ST6GALNAC3: variants seen among roughly 807,000 people sequenced by gnomAD.
The protein encoded by ST6GALNAC3 is alpha-N-acetylgalactosaminide alpha-2,6-sialyltransferase 3.
A neutral mutation model predicts 32.7 loss-of-function variants in ST6GALNAC3; 25 were observed. The observed-to-expected ratio is 0.76, with a 90% CI of 0.56 to 1.07. The LOEUF (loss-of-function observed/expected upper bound fraction) is 1.07, where lower values mean the gene tolerates loss of function less well. Among genes scored for constraint, ST6GALNAC3 ranks in the 50% least tolerant of loss-of-function variants. The pLI is 0.00. For synonymous variants in ST6GALNAC3, 129 were observed against 133.1 expected, an observed-to-expected ratio of 0.97 and a Z score of 0.21; for missense variants, 355 against 382.4, an observed-to-expected ratio of 0.93 and a Z score of 0.60.
intron 2 of ST6GALNAC3, among the ~76,000 whole-genome samples, chr1:76,364,446 G>C (rs58918633): frequency 6.6e-6 from 1 of 151,964 alleles, no homozygotes; most frequent in African/African-American, 2.4e-5. Flanking sequence ...CCAGCTACTC[G>C]AGAGGCTGAG....
chr1:76,255,267 C>T lies in ST6GALNAC3; in HGVS notation c.19-58538C>T, dbSNP rs60694543. Among the ~76,000 whole-genome samples the T allele has an allele frequency of 8.0e-3, 1,216 of 152,066 alleles. 27 individuals are homozygous for T. Among genetic ancestry groups the T allele is most frequent in the African/African-American group, 0.028 (1,141 of 41,476 alleles). ...CCCCTTATACTAACTGAGTTGTTTGCGCTTGGGAGGAATACAAAGTATTTT... is the reference window on the plus strand; with the variant it reads ...CCCCTTATACTAACTGAGTTGTTTGTGCTTGGGAGGAATACAAAGTATTTT... On this transcript the variant is annotated intron_variant, in intron 1 of 4. Coordinates refer to ENST00000328299, the MANE Select transcript of ST6GALNAC3 (RefSeq NM_152996.4).
intron 1 of ST6GALNAC3, among the ~76,000 whole-genome samples, chr1:76,112,540 A>T (rs1205191673): frequency 3.3e-5 from 5 of 149,986 alleles, no homozygotes; most frequent in Non-Finnish European, 7.4e-5. Flanking sequence ...TCCCTCCCGG[A>T]CGGGGTGGCT....
At chr1:76,382,832 C>T (rs1651816233) in intron 2 of ST6GALNAC3, among the ~76,000 whole-genome samples, 1 of 152,106 alleles carries the variant, frequency 6.6e-6, no homozygotes, top group African/African-American at 2.4e-5. Context: ...AAGAATAAGG[C>T]AGAAGTAACA....
intron 1 of ST6GALNAC3, among the ~76,000 whole-genome samples, chr1:76,285,800 A>G (rs1659742339): frequency 6.6e-6 from 1 of 152,066 alleles, no homozygotes; most frequent in Non-Finnish European, 1.5e-5. Flanking sequence ...CGAGAAACAG[A>G]TACAGGAAGA....
intron 1 of ST6GALNAC3, among the ~76,000 whole-genome samples, chr1:76,125,624 C>G (rs1649191723): frequency 1.3e-5 from 2 of 152,212 alleles, no homozygotes; most frequent in African/African-American, 4.8e-5. Flanking sequence ...AGAATACACT[C>G]TGAAGATCAG....
At chr1:76,598,207 A>T (rs1281828400) in intron 3 of ST6GALNAC3, among the ~76,000 whole-genome samples, 1 of 151,600 alleles carries the variant, frequency 6.6e-6, no homozygotes, top group African/African-American at 2.4e-5. Context: ...CAGCCTAATG[A>T]CCTCCCAAAG....
chr1:76,086,922 A>G (rs750657470), intron 1 of ST6GALNAC3, among the ~76,000 whole-genome samples: 5 of 151,940 alleles, frequency 3.3e-5, no homozygotes, highest in African/African-American at 9.7e-5. Flanking sequence ...CTCTCTTCCT[A>G]TTTCTAAGAG....
chr1:76,172,380 C>T (rs963646168), intron 1 of ST6GALNAC3, among the ~76,000 whole-genome samples: 4 of 152,140 alleles, frequency 2.6e-5, no homozygotes, highest in Admixed American at 2.6e-4. Context: ...CAGACAATAT[C>T]ATATTGAATG....
intron 3 of ST6GALNAC3, among the ~76,000 whole-genome samples, chr1:76,467,632 G>A (rs1436401119): frequency 2.0e-5 from 3 of 151,856 alleles, no homozygotes; most frequent in African/African-American, 2.4e-5. Flanking sequence ...ATATTAAAAA[G>A]TTGTAAACTT....
At chr1:76,600,232 T>C (rs1238850365) in intron 3 of ST6GALNAC3, among the ~76,000 whole-genome samples, 2 of 152,060 alleles carry the variant, frequency 1.3e-5, no homozygotes, top group African/African-American at 4.8e-5. Context: ...AGAAGAGGGC[T>C]CTCACCAGGA....
intron 1 of ST6GALNAC3, among the ~76,000 whole-genome samples, chr1:76,272,730 C>T (rs2210830): frequency 0.16 from 23,626 of 152,130 alleles, 3,379 homozygotes; most frequent in African/African-American, 0.37. Context: ...GCTGTCCCAG[C>T]CACCCCCAAA....
chr1:76,394,599 CT>C (rs1467195043), intron 2 of ST6GALNAC3, among the ~76,000 whole-genome samples: 2 of 152,054 alleles, frequency 1.3e-5, no homozygotes, highest in Non-Finnish European at 2.9e-5. Flanking sequence ...GTTATCTATA[CT>C]TTTTCAAGCC....
intron 1 of ST6GALNAC3, among the ~76,000 whole-genome samples, chr1:76,078,658 G>T (rs1011090689): frequency 2.0e-5 from 3 of 152,150 alleles, no homozygotes; most frequent in Admixed American, 2.0e-4. Flanking sequence ...TAGTTATATT[G>T]CAGGGGGAAA....
chr1:76,574,259 T>C (rs1195389161), intron 3 of ST6GALNAC3, among the ~76,000 whole-genome samples: 1 of 151,842 alleles, frequency 6.6e-6, no homozygotes, highest in Non-Finnish European at 1.5e-5. Flanking sequence ...TCTACAATAA[T>C]GGATTATATA....
intron 3 of ST6GALNAC3, among the ~76,000 whole-genome samples, chr1:76,477,074 C>T (rs1659403564): frequency 6.6e-6 from 1 of 152,116 alleles, no homozygotes; most frequent in Non-Finnish European, 1.5e-5. Flanking sequence ...GCATCTTTTC[C>T]CCCTTTACTC....
At chr1:76,352,671 A>G (rs1649092276) in intron 2 of ST6GALNAC3, among the ~76,000 whole-genome samples, 1 of 151,762 alleles carries the variant, frequency 6.6e-6, no homozygotes, top group Non-Finnish European at 1.5e-5. Context: ...TCGTACCATG[A>G]GCCTCTGACT....
intron 3 of ST6GALNAC3, among the ~76,000 whole-genome samples, chr1:76,432,063 A>G (rs955208904): frequency 6.6e-6 from 1 of 152,172 alleles, no homozygotes; most frequent in Non-Finnish European, 1.5e-5. Context: ...CTAGAATGTC[A>G]TATACTTGGA....
intron 1 of ST6GALNAC3, among the ~76,000 whole-genome samples, chr1:76,223,673 A>G (rs1655906779): frequency 6.6e-6 from 1 of 152,192 alleles, no homozygotes; most frequent in Admixed American, 6.6e-5. Context: ...GAACCTGTGT[A>G]ATAGTGTTTT....
intron 3 of ST6GALNAC3, among the ~76,000 whole-genome samples, chr1:76,614,746 AAAAAAAAAT>A (rs1648179070): frequency 3.2e-5 from 4 of 124,150 alleles, no homozygotes; most frequent in African/African-American, 1.1e-4. Context: ...AAAAAAAAAA[AAAAAAAAAT>A]TAATAAATAC....
Sources: allele counts gnomAD v4.1 joint callset (sites outside exome capture counted in the v4.1 genomes callset), GRCh38; gene constraint gnomAD v4.1.1; transcripts MANE v1.5; gene names NCBI Gene and HGNC (gene_info 2026-07-23, HGNC 2026-07-21).